The following FAM133B variants were observed in gnomAD, a reference collection of about 807,000 sequenced individuals.
FAM133B encodes the protein family with sequence similarity 133 member B.
In FAM133B, 25 loss-of-function variants were observed where a neutral mutation model predicts 46.4. The observed-to-expected ratio is 0.54, with a 90% CI of 0.39 to 0.75. The LOEUF is 0.75. Ranked by LOEUF, FAM133B falls within the 30% of genes least tolerant of loss-of-function variation. The pLI, the probability that FAM133B is intolerant of heterozygous loss-of-function variation, is 0.00. For synonymous variants in FAM133B, 75 were observed against 86.0 expected, an observed-to-expected ratio of 0.87 and a Z score of 0.71; for missense variants, 205 against 277.6, an observed-to-expected ratio of 0.74 and a Z score of 1.86.
intron 9 of FAM133B, among the ~76,000 whole-genome samples, chr7:92,566,908 ACTGGATTTAAATTAAACTGAGG>A (rs1266058291): frequency 2.0e-5 from 3 of 152,212 alleles, no homozygotes; most frequent in Non-Finnish European, 4.4e-5. Context: ...AGTGTGGTAC[ACTGGATTTAAATTAAACTGAGG>A]CCGGGGGCAG....
chr7:92,590,336 C>G lies in FAM133B; in HGVS notation c.-45G>C. ...AGTAGCACGCCGAGGGAAACCGGGCCGGAGAGACTGCCGAAGAGGGCCTGC... is the reference window on the plus strand; with the variant it reads ...AGTAGCACGCCGAGGGAAACCGGGCGGGAGAGACTGCCGAAGAGGGCCTGC... On this transcript the variant is annotated 5_prime_UTR_variant, in exon 1 of 11. Transcript: ENST00000445716. The G allele has an allele frequency of 2.5e-6, 4 of 1,612,634 alleles. No individual in the cohort carries two copies. The highest frequency in any genetic ancestry group is 1.3e-5 in the African/African-American group (1 of 74,968).
Position 92,579,300 on chromosome 7 carries a change from A to T in FAM133B, c.201+17T>A. ...GGCCAAATTAGTCTATTTTTTTAAC[A>T]GGTACTTTTTACAAACCTCATTCAT... On this transcript the variant is annotated intron_variant, in intron 3 of 10. Transcript: ENST00000445716. The T allele has an allele frequency of 6.2e-7, 1 of 1,602,502 alleles. No individual in the cohort carries two copies. Among genetic ancestry groups the T allele is most frequent in the Non-Finnish European group, 8.5e-7 (1 of 1,174,876 alleles).
intron 9 of FAM133B, 120 bp downstream of exon 9, chr7:92,569,701 GTT>G (rs3841401): frequency 4.3e-6 from 2 of 466,766 alleles, no homozygotes; most frequent in Non-Finnish European, 7.4e-6. Context: ...CTTTCATTTT[GTT>G]TTTTCATACT....
intron 7 of FAM133B, 43 bp from the exon 8 acceptor site, chr7:92,575,864 A>T: frequency 1.1e-6 from 1 of 914,452 alleles, no homozygotes; most frequent in Non-Finnish European, 1.7e-6. Flanking sequence ...TGCCAAGGAC[A>T]CAGCATTACA....
chr7:92,569,778 C>T, intron 9 of FAM133B, 45 bp downstream of exon 9: 1 of 926,972 alleles, frequency 1.1e-6, no homozygotes, highest in Non-Finnish European at 1.5e-6. Context: ...AAATCAATAA[C>T]TAAGCATTTT....
intron 9 of FAM133B, among the ~76,000 whole-genome samples, chr7:92,567,892 T>A (rs548084370): frequency 6.6e-6 from 1 of 151,738 alleles, no homozygotes. Flanking sequence ...GCCTCCTGAG[T>A]AGCTGGGATT....
intron 2 of FAM133B, among the ~76,000 whole-genome samples, chr7:92,579,827 C>T (rs1202180613): frequency 6.6e-6 from 1 of 152,160 alleles, no homozygotes; most frequent in Non-Finnish European, 1.5e-5. Flanking sequence ...TCTGACTGAA[C>T]TACTACATTC....
intron 3 of FAM133B, among the ~76,000 whole-genome samples, chr7:92,578,781 C>T (rs1344860515): frequency 6.6e-6 from 1 of 152,102 alleles, no homozygotes; most frequent in Non-Finnish European, 1.5e-5. Context: ...TATAATGGCT[C>T]ACACCTGTAA....
intron 1 of FAM133B, among the ~76,000 whole-genome samples, chr7:92,587,310 T>C (rs747113781): frequency 1.3e-5 from 2 of 152,212 alleles, no homozygotes; most frequent in Non-Finnish European, 2.9e-5. Flanking sequence ...CAAATATTCA[T>C]TTTGTTGCTC....
chr7:92,572,143 G>A (rs1369516538), intron 8 of FAM133B, among the ~76,000 whole-genome samples: 1 of 152,092 alleles, frequency 6.6e-6, no homozygotes, highest in Non-Finnish European at 1.5e-5. Flanking sequence ...AGAAAATGTT[G>A]TTTCTTTCCA....
In FAM133B at chr7:92,578,316, T is replaced by C; in HGVS notation, c.276+3A>G. The C allele has an allele frequency of 6.2e-7, 1 of 1,613,294 alleles. No homozygotes were observed. Among genetic ancestry groups the C allele is most frequent in the South Asian group, 1.1e-5 (1 of 91,026 alleles). On this transcript the variant is annotated splice_donor_region_variant and intron_variant, in intron 4 of 10. Coordinates refer to ENST00000445716, the MANE Select transcript of FAM133B (RefSeq NM_152789.4). ...AATAGCAATAAACTAAAAGTGGTAT[T>C]ACCTGTCTTTTTTTGGATGAGCTCT...
intron 1 of FAM133B, among the ~76,000 whole-genome samples, chr7:92,584,643 G>A (rs1794988259): frequency 6.6e-6 from 1 of 152,174 alleles, no homozygotes; most frequent in Non-Finnish European, 1.5e-5. Context: ...GAGGCATATT[G>A]TTATATTTTT....
At chr7:92,574,416 G>C (rs1043292144) in intron 8 of FAM133B, among the ~76,000 whole-genome samples, 4 of 152,220 alleles carry the variant, frequency 2.6e-5, no homozygotes, top group African/African-American at 9.6e-5. Context: ...GAATGAGGGA[G>C]TGGTGGTGAT....
chr7:92,590,112 C>G, intron 1 of FAM133B, 156 bp downstream of exon 1: 1 of 1,082,632 alleles, frequency 9.2e-7, no homozygotes, highest in Non-Finnish European at 1.3e-6. Context: ...GTGCGCGGCG[C>G]ACGCGCATCT....
In FAM133B at chr7:92,575,811, T is replaced by C. The variant is rs1376334553; in HGVS notation, c.476A>G (p.Lys159Arg). The C allele has an allele frequency of 8.3e-6, 11 of 1,321,572 alleles. No individual in the cohort carries two copies. Among genetic ancestry groups the C allele is most frequent in the Non-Finnish European group, 1.2e-5 (11 of 924,904 alleles). The allele number at this position is 1,321,572 out of a possible 1,614,324, so 81.9% of individuals were successfully genotyped here. ...ETESDSKDSL[K>R]KKKKSKDGTE... ...TCCATCTTTTGACTTCTTTTTCTTT[T>C]TTAAACTATCCTAAACAAAGAAATA... The change falls in exon 8 of 11, where the codon AAA becomes AGA. Residue 159 changes from lysine (K) to arginine (R), a missense_variant. Coordinates refer to ENST00000445716, the MANE Select transcript of FAM133B (RefSeq NM_152789.4).
At chr7:92,579,207 C>A in intron 3 of FAM133B, 110 bp downstream of exon 3, 1 of 852,880 alleles carries the variant, frequency 1.2e-6, no homozygotes, top group South Asian at 1.6e-5. Flanking sequence ...CCAGGCTGGT[C>A]ATGAACTCCT....
At position 92,590,128 on chromosome 7, in the gene FAM133B, C is replaced by G. The variant is rs1049676700; in HGVS notation, c.24+140G>C. On this transcript the variant is annotated intron_variant, in intron 1 of 10. Transcript: ENST00000445716. ...TGCGCGGCGCACGCGCATCTGGGAT[C>G]GGCGGAGGGTGCTGGGTCTCCAGGC... The G allele has an allele frequency of 2.4e-6, 3 of 1,268,014 alleles. No homozygotes were observed. The Admixed American group carries it at 6.8e-5, about 29-fold the overall frequency. 78.5% of individuals were successfully genotyped at this position (1,268,014 alleles called of 1,614,324 possible).
At position 92,590,332 on chromosome 7, in the gene FAM133B, G is replaced by C. The variant is rs780120172; in HGVS notation, c.-41C>G. ...GCACAGTAGCACGCCGAGGGAAACC[G>C]GGCCGGAGAGACTGCCGAAGAGGGC... is the stretch of plus-strand genomic sequence containing the variant. On this transcript the variant is annotated 5_prime_UTR_variant, in exon 1 of 11. Transcript: ENST00000445716. The C allele has an allele frequency of 1.2e-6, 2 of 1,613,152 alleles. No individual in the cohort carries two copies. Among genetic ancestry groups the C allele is most frequent in the South Asian group, 1.1e-5 (1 of 91,012 alleles).
rs1236848963 is a variant in FAM133B at position 92,562,356 on chromosome 7, T to C, written c.670A>G (p.Lys224Glu). 2 of 1,531,606 alleles carry C rather than the reference T, an allele frequency of 1.3e-6. No homozygotes were observed. The highest frequency in any genetic ancestry group is 4.9e-5 in the East Asian group (2 of 40,800). 94.9% of individuals were successfully genotyped at this position (1,531,606 alleles called of 1,614,324 possible). Reference protein sequence around the residue: ...EREKATEKTKKKKKHKKHSKK... With the variant: ...EREKATEKTKEKKKHKKHSKK... ...CTGTGTTTCTTATGCTTCTTTTTCT[T>C]TTTTGTTTTTTCCTGTAAAGATAAT... Residue 224 changes from lysine to glutamate, a missense_variant, in exon 11 of 11, where the codon AAG becomes GAG. Coordinates refer to ENST00000445716, the MANE Select transcript of FAM133B (RefSeq NM_152789.4).
Sources: allele counts gnomAD v4.1 joint callset (sites outside exome capture counted in the v4.1 genomes callset), GRCh38; gene constraint gnomAD v4.1.1; transcripts MANE v1.5; gene names NCBI Gene and HGNC (gene_info 2026-07-23, HGNC 2026-07-21).